Variants in CCDC192 observed in about 807,000 individuals in gnomAD.
CCDC192 encodes coiled-coil domain-containing protein 192.
intron 6 of CCDC192, among the ~76,000 whole-genome samples, chr5:127,898,219 C>T (rs2127163456): frequency 6.6e-6 from 1 of 152,130 alleles, no homozygotes; most frequent in South Asian, 2.1e-4. Context: ...AGTGATTCTC[C>T]TGCCTAGGCC....
At chr5:127,908,401 A>G (rs1462891666) in intron 6 of CCDC192, among the ~76,000 whole-genome samples, 1 of 152,186 alleles carries the variant, frequency 6.6e-6, no homozygotes, top group Non-Finnish European at 1.5e-5. Context: ...GTTTTTCTAA[A>G]TCTTAATTTT....
At position 127,836,724 on chromosome 5, in the gene CCDC192, A is replaced by G. The variant is rs1750054085; in HGVS notation, c.411+38562A>G. ...CCTTAGCTGTATGTTGGCCCCTTTTAGCTACTTTTGGGATGCAGGGCACCA... is the reference window on the plus strand; with the variant it reads ...CCTTAGCTGTATGTTGGCCCCTTTTGGCTACTTTTGGGATGCAGGGCACCA... On this transcript the variant is annotated intron_variant, in intron 5 of 6. Transcript: ENST00000514853. 1.9e-4 allele frequency among the ~76,000 whole-genome samples: 4 copies of G among 21,228 alleles called. 2 individuals carry two copies. The Admixed American group carries it at 1.9e-3, about 10-fold the overall frequency. 13.9% of individuals were successfully genotyped at this position (21,228 alleles called of 152,430 possible).
chr5:127,767,791 A>G (rs1755313862), intron 3 of CCDC192, among the ~76,000 whole-genome samples: 1 of 152,168 alleles, frequency 6.6e-6, no homozygotes, highest in Non-Finnish European at 1.5e-5. Flanking sequence ...AGCCTTTGTT[A>G]AGGCTTATTA....
chr5:127,794,141 C>T (rs959126515), intron 3 of CCDC192, among the ~76,000 whole-genome samples: 5 of 152,182 alleles, frequency 3.3e-5, no homozygotes, highest in African/African-American at 1.2e-4. Flanking sequence ...AATTAGGTCA[C>T]ATCTCCTTAT....
intron 2 of CCDC192, among the ~76,000 whole-genome samples, chr5:127,713,054 G>A (rs1307432938): frequency 6.6e-6 from 1 of 152,060 alleles, no homozygotes; most frequent in Admixed American, 6.5e-5. Context: ...GACCAACATG[G>A]AGAAACGCTG....
chr5:127,782,847 T>C (rs1436579094), intron 3 of CCDC192, among the ~76,000 whole-genome samples: 1 of 152,150 alleles, frequency 6.6e-6, no homozygotes, highest in Non-Finnish European at 1.5e-5. Flanking sequence ...TTTCTTCTGC[T>C]GGGTTTGGGT....
intron 3 of CCDC192, among the ~76,000 whole-genome samples, chr5:127,784,327 G>T (rs1489434808): frequency 6.6e-6 from 1 of 152,198 alleles, no homozygotes; most frequent in Non-Finnish European, 1.5e-5. Flanking sequence ...GAGAGCCCAT[G>T]TCTTGATTTA....
chr5:127,703,972 T>TC (rs1285346714), intron 1 of CCDC192, among the ~76,000 whole-genome samples: 1 of 152,244 alleles, frequency 6.6e-6, no homozygotes, highest in Non-Finnish European at 1.5e-5. Context: ...GAAGTACAGT[T>TC]CACTTCTCTA....
chr5:127,875,501 C>T (rs773397982), intron 5 of CCDC192, 37 bp from the exon 6 acceptor site: 2 of 387,068 alleles, frequency 5.2e-6, no homozygotes, highest in Admixed American at 9.5e-5. Flanking sequence ...TGCGTCTGTC[C>T]CTAGTGATGG....
At chr5:127,863,200 C>T (rs1178006810) in intron 5 of CCDC192, among the ~76,000 whole-genome samples, 1 of 152,124 alleles carries the variant, frequency 6.6e-6, no homozygotes, top group Non-Finnish European at 1.5e-5. Context: ...ATTGTGCTAC[C>T]ATGATCACTA....
intron 3 of CCDC192, among the ~76,000 whole-genome samples, chr5:127,788,556 C>A (rs1053684225): frequency 4.6e-5 from 7 of 151,986 alleles, no homozygotes; most frequent in African/African-American, 1.7e-4. Context: ...TGCCACATTG[C>A]TTTTCATTTT....
chr5:127,890,995 C>G (rs1752715719), intron 6 of CCDC192, among the ~76,000 whole-genome samples: 1 of 152,174 alleles, frequency 6.6e-6, no homozygotes, highest in Admixed American at 6.5e-5. Context: ...TGTACCCTCA[C>G]ACTTCTCTTC....
chr5:127,894,904 A>G (rs1364395042), intron 6 of CCDC192, among the ~76,000 whole-genome samples: 2 of 152,248 alleles, frequency 1.3e-5, no homozygotes, highest in Non-Finnish European at 2.9e-5. Flanking sequence ...CCATTTAACA[A>G]TCAAGAGATT....
At chr5:127,845,057 T>C (rs2127071817) in intron 5 of CCDC192, among the ~76,000 whole-genome samples, 1 of 152,336 alleles carries the variant, frequency 6.6e-6, no homozygotes, top group Non-Finnish European at 1.5e-5. Context: ...CAAATAACCC[T>C]GAGATACTAA....
At chr5:127,886,139 C>A (rs1021242800) in intron 6 of CCDC192, among the ~76,000 whole-genome samples, 9 of 152,112 alleles carry the variant, frequency 5.9e-5, no homozygotes, top group Admixed American at 5.2e-4. Flanking sequence ...CTATAAATGT[C>A]CCCGACTCCC....
chr5:127,732,186 A>G lies in CCDC192; in HGVS notation c.115-22082A>G, dbSNP rs562779431. On this transcript the variant is annotated intron_variant, in intron 2 of 6. Coordinates refer to ENST00000514853, the MANE Select transcript of CCDC192 (RefSeq NM_001317938.2). ...AACCATTAAAAAGTGGGCAAAAGACATGAACAGACACTTCTCAAAAGAAGA... is the reference window on the plus strand; with the variant it reads ...AACCATTAAAAAGTGGGCAAAAGACGTGAACAGACACTTCTCAAAAGAAGA... Among the ~76,000 whole-genome samples, 6 of 152,320 alleles carry G rather than the reference A, an allele frequency of 3.9e-5. No individual in the cohort carries two copies. In the East Asian group the frequency reaches 1.2e-3, roughly 29 times the overall value.
At chr5:127,748,607 A>T (rs904804240) in intron 2 of CCDC192, among the ~76,000 whole-genome samples, 4 of 147,056 alleles carry the variant, frequency 2.7e-5, no homozygotes, top group African/African-American at 9.9e-5. Flanking sequence ...TTTTGGTTCC[A>T]TATGAACTTT....
In CCDC192 at chr5:127,747,007, G is replaced by A. The variant is rs1382021472; in HGVS notation, c.115-7261G>A. 4.0e-5 allele frequency among the ~76,000 whole-genome samples: 6 copies of A among 151,184 alleles called. No individual in the cohort carries two copies. The South Asian group carries it at 1.0e-3, about 26-fold the overall frequency. ...ACATGTAAAATCAGTGGTCTCATAA[G>A]CCATAGGGAAAAAAATAAAGCAGAA... On this transcript the variant is annotated intron_variant, in intron 2 of 6. Coordinates refer to ENST00000514853, the MANE Select transcript of CCDC192 (RefSeq NM_001317938.2).
At chr5:127,928,129 T>C (rs542716843) in intron 6 of CCDC192, among the ~76,000 whole-genome samples, 7 of 151,916 alleles carry the variant, frequency 4.6e-5, no homozygotes, top group Non-Finnish European at 1.0e-4. Context: ...GGTTTTACCA[T>C]GTTGGCCAAG....
Sources: allele counts gnomAD v4.1 joint callset (sites outside exome capture counted in the v4.1 genomes callset), GRCh38; gene constraint gnomAD v4.1.1; transcripts MANE v1.5; gene names NCBI Gene and HGNC (gene_info 2026-07-23, HGNC 2026-07-21).